Variants in KAT2B observed in about 807,000 individuals in gnomAD.
KAT2B encodes the protein lysine acetyltransferase 2B.
Under a neutral mutation model 105.9 loss-of-function variants are expected in KAT2B, and 36 were observed. That is an observed-to-expected ratio of 0.34 (90% CI 0.26 to 0.45). KAT2B has a LOEUF of 0.45. KAT2B is among the 20% of genes least tolerant of loss of function. The probability of loss-of-function intolerance (pLI) is 1.00; values close to 1 mark genes in which losing one functional copy is unlikely to be tolerated. For synonymous variants in KAT2B, 397 were observed against 377.9 expected (o/e 1.05, Z -0.59); for missense variants, 820 against 1,021.6 (o/e 0.80, Z 2.69).
chr3:20,068,307 A>G (rs1698260419), intron 1 of KAT2B, among the ~76,000 whole-genome samples: 1 of 151,436 alleles, frequency 6.6e-6, no homozygotes, highest in Non-Finnish European at 1.5e-5. Flanking sequence ...TGTCTGGTTT[A>G]ATTTCAACAC....
chr3:20,092,493 G>A (rs932112096), intron 2 of KAT2B, among the ~76,000 whole-genome samples: 1 of 151,736 alleles, frequency 6.6e-6, no homozygotes, highest in East Asian at 1.9e-4. Context: ...TCCTCCTAAA[G>A]TGCTGGGATT....
rs1006402675 is a variant in KAT2B at position 20,152,643 on chromosome 3, T to A, written c.*118T>A. 1.3e-6 allele frequency: 1 copy of A among 744,004 alleles called. No individual in the cohort carries two copies. The highest frequency in any genetic ancestry group is 1.8e-5 in the African/African-American group (1 of 56,880). 46.1% of individuals were successfully genotyped at this position (744,004 alleles called of 1,614,324 possible). On this transcript the variant is annotated 3_prime_UTR_variant, in exon 18 of 18. Coordinates refer to ENST00000263754, the MANE Select transcript of KAT2B (RefSeq NM_003884.5). ...TGAAGAGACTTGTAAATGTAATAAT[T>A]AGCACTTTTGAAAAAACAAAAAACC...
chr3:20,090,926 A>AT (rs1228437519), intron 2 of KAT2B, among the ~76,000 whole-genome samples: 1 of 151,742 alleles, frequency 6.6e-6, no homozygotes, highest in Non-Finnish European at 1.5e-5. Flanking sequence ...ATTTATTTTT[A>AT]TTTTTTGTAG....
chr3:20,104,970 C>G (rs1463120959), intron 5 of KAT2B, among the ~76,000 whole-genome samples: 1 of 151,454 alleles, frequency 6.6e-6, no homozygotes, highest in Non-Finnish European at 1.5e-5. Context: ...ACTGCAACCT[C>G]CACCTCCTGA....
chr3:20,111,376 C>T (rs1417505434), intron 5 of KAT2B, among the ~76,000 whole-genome samples: 1 of 152,178 alleles, frequency 6.6e-6, no homozygotes, highest in Non-Finnish European at 1.5e-5. Flanking sequence ...TATGATGCTG[C>T]AGAATAAGGT....
intron 7 of KAT2B, among the ~76,000 whole-genome samples, chr3:20,115,429 A>C (rs2125168799): frequency 6.6e-6 from 1 of 152,302 alleles, no homozygotes; most frequent in South Asian, 2.1e-4. Context: ...GACACTAGGA[A>C]GACTCCATGG....
At chr3:20,110,672 C>CAAAAAAAAAA (rs55653348) in intron 5 of KAT2B, among the ~76,000 whole-genome samples, 1 of 69,386 alleles carries the variant, frequency 1.4e-5, no homozygotes, top group Admixed American at 1.6e-4. Context: ...GACCCTGTCT[C>CAAAAAAAAAA]AAAAAAAAAA....
chr3:20,064,934 C>T (rs1698198299), intron 1 of KAT2B, among the ~76,000 whole-genome samples: 1 of 152,186 alleles, frequency 6.6e-6, no homozygotes, highest in Admixed American at 6.5e-5. Context: ...CCTCTGGATG[C>T]CACTCAAATA....
Position 20,106,979 on chromosome 3 carries a change from G to GTATA in KAT2B, c.852-4583_852-4580dup, listed in dbSNP as rs869172127. On this transcript the variant is annotated intron_variant, in intron 5 of 17. Coordinates refer to ENST00000263754, the MANE Select transcript of KAT2B (RefSeq NM_003884.5). ...TTTATGTGTATATATATATATATAT[G>GTATA]TATATATATATATATATATATATAT... 7.6e-3 allele frequency among the ~76,000 whole-genome samples: 253 copies of GTATA among 33,440 alleles called. 1 individual carries two copies. The highest frequency in any genetic ancestry group is 0.01 in the Non-Finnish European group (193 of 18,384). The allele number at this position is 33,440 out of a possible 152,430, so 21.9% of individuals were successfully genotyped here.
At chr3:20,132,013 A>C (rs1336837817) in intron 11 of KAT2B, among the ~76,000 whole-genome samples, 2 of 152,216 alleles carry the variant, frequency 1.3e-5, no homozygotes, top group East Asian at 3.8e-4. Flanking sequence ...TATTGTGCTG[A>C]AAACACAAGA....
At chr3:20,042,982 C>T (rs944271402) in intron 1 of KAT2B, among the ~76,000 whole-genome samples, 3 of 151,910 alleles carry the variant, frequency 2.0e-5, no homozygotes, top group Non-Finnish European at 4.4e-5. Context: ...TCACTGCAGA[C>T]TCAACCTCCC....
intron 13 of KAT2B, among the ~76,000 whole-genome samples, chr3:20,145,568 T>TTTTC (rs1699770928): frequency 6.8e-6 from 1 of 147,928 alleles, no homozygotes; most frequent in Non-Finnish European, 1.5e-5. Flanking sequence ...TTTTTTTTTT[T>TTTTC]TTTTTTTTTT....
In KAT2B at chr3:20,152,475, G is replaced by C. The variant is rs748499288; in HGVS notation, c.2449G>C (p.Glu817Gln). The change falls in exon 18 of 18, where the codon GAG (glutamate) becomes CAG (glutamine). Residue 817 changes from glutamate (E) to glutamine (Q), a missense_variant. Coordinates refer to ENST00000263754, the MANE Select transcript of KAT2B (RefSeq NM_003884.5). ...SEYYKCANIL[E>Q]KFFFSKIKEA... is the part of the protein sequence containing the mutation. The stretch of plus-strand genomic sequence containing the variant: ...ATACTACAAATGTGCCAATATCCTG[G>C]AGAAATTCTTCTTCAGTAAAATTAA... 1.9e-6 allele frequency: 3 copies of C among 1,613,368 alleles called. No homozygotes were observed. Among genetic ancestry groups the C allele is most frequent in the Non-Finnish European group, 2.5e-6 (3 of 1,179,502 alleles).
chr3:20,125,687 A>G (rs182476211), intron 9 of KAT2B, among the ~76,000 whole-genome samples: 50 of 152,184 alleles, frequency 3.3e-4, no homozygotes, highest in Admixed American at 1.7e-3. Flanking sequence ...TAATACTCCA[A>G]TTTCTCAAAA....
chr3:20,117,612 A>G (rs114822418), intron 7 of KAT2B, among the ~76,000 whole-genome samples: 2,202 of 152,240 alleles, frequency 0.014, 48 homozygotes, highest in African/African-American at 0.05. Context: ...TAGAAGTGCT[A>G]TGGGTTGGTA....
rs1315083112 is a variant in KAT2B, at chr3:20,130,941, C to CTAATG, written c.1749+3393_1749+3397dup. ...GCATGCGTGCGTGTGTGTGTGTGTT[C>CTAATG]TAATGGTAAGAACCAATCTTTAGTA... is the stretch of plus-strand genomic sequence containing the variant. On this transcript the variant is annotated intron_variant, in intron 11 of 17. Transcript: ENST00000263754. Among the ~76,000 whole-genome samples the CTAATG allele has an allele frequency of 2.7e-5, 4 of 146,394 alleles. No individual in the cohort carries two copies. The South Asian group carries it at 6.6e-4, about 24-fold the overall frequency.
rs548275925 is a variant in KAT2B, at chr3:20,106,470, GTC to G, written c.851+5009_851+5010del. Reference sequence around the variant, plus strand: ...ACACACACACACACACACACATTCTGTCTCTCTCACACACACACACATTGACT... The same window carrying G: ...ACACACACACACACACACACATTCTGTCTCTCACACACACACACATTGACT... On this transcript the variant is annotated intron_variant, in intron 5 of 17. Transcript: ENST00000263754. Among the ~76,000 whole-genome samples, 6 of 147,442 alleles carry G rather than the reference GTC, an allele frequency of 4.1e-5. No homozygotes were observed. In the East Asian group the frequency reaches 8.0e-4, roughly 20 times the overall value.
chr3:20,058,103 A>G (rs1010824092), intron 1 of KAT2B, among the ~76,000 whole-genome samples: 1 of 151,754 alleles, frequency 6.6e-6, no homozygotes, highest in Non-Finnish European at 1.5e-5. Flanking sequence ...AGCCTTGACC[A>G]CTCTTTAATA....
At chr3:20,064,550 G>C (rs1297961073) in intron 1 of KAT2B, among the ~76,000 whole-genome samples, 2 of 152,134 alleles carry the variant, frequency 1.3e-5, no homozygotes, top group African/African-American at 4.8e-5. Context: ...GGAGCAGAGA[G>C]GTAGTGAATA....
Sources: gnomAD v4.1 joint callset for allele counts (sites outside exome capture counted in the v4.1 genomes callset) on GRCh38, gnomAD v4.1.1 for gene constraint, MANE v1.5 for transcripts, NCBI Gene and HGNC (gene_info 2026-07-23, HGNC 2026-07-21) for gene names.